CNBD1: variants seen among roughly 807,000 people sequenced by gnomAD.
CNBD1 encodes the protein cyclic nucleotide binding domain containing 1.
Under a neutral mutation model 54.4 loss-of-function variants are expected in CNBD1, and 71 were observed. The observed-to-expected ratio is 1.30, with a 90% CI of 1.08 to 1.59. CNBD1 has a LOEUF of 1.59. Among genes scored for constraint, CNBD1 ranks in the 40% most tolerant of loss-of-function variants. The pLI, the probability that CNBD1 is intolerant of heterozygous loss-of-function variation, is 0.00. For missense variants in CNBD1, 659 were observed against 518.0 expected (o/e 1.27, Z -2.64); for synonymous variants, 182 against 170.7 (o/e 1.07, Z -0.51).
chr8:87,195,518 A>G (rs939291102), intron 4 of CNBD1, among the ~76,000 whole-genome samples: 7 of 149,484 alleles, frequency 4.7e-5, no homozygotes, highest in Admixed American at 4.0e-4. Flanking sequence ...GTAAGTCACC[A>G]TGCCCAGCTG....
rs1812291091 is a variant in CNBD1, at chr8:87,137,907, G to A, written c.432-68086G>A. Among the ~76,000 whole-genome samples the A allele has an allele frequency of 1.3e-5, 2 of 152,136 alleles. 1 individual carries two copies. Among genetic ancestry groups the A allele is most frequent in the South Asian group, 4.1e-4 (2 of 4,836 alleles). On this transcript the variant is annotated intron_variant, in intron 4 of 10. Coordinates refer to ENST00000518476, the MANE Select transcript of CNBD1 (RefSeq NM_173538.3). Reference sequence around the variant, plus strand: ...GTAGTGGAATGAAGAACTTTTCAGAGTTTCTGCCATAATTATGGTTATGAT... The same window carrying A: ...GTAGTGGAATGAAGAACTTTTCAGAATTTCTGCCATAATTATGGTTATGAT...
intron 3 of CNBD1, among the ~76,000 whole-genome samples, chr8:86,917,413 G>A (rs752752403): frequency 6.6e-6 from 1 of 152,188 alleles, no homozygotes; most frequent in African/African-American, 2.4e-5. Context: ...AACATGAAGA[G>A]AGAATAGTAC....
chr8:87,316,463 C>T (rs564310595), intron 8 of CNBD1, among the ~76,000 whole-genome samples: 12 of 151,862 alleles, frequency 7.9e-5, no homozygotes, highest in Non-Finnish European at 1.2e-4. Context: ...GTAGGTGTGT[C>T]AATTGATGCA....
At chr8:87,231,600 C>T (rs1586349863) in intron 5 of CNBD1, among the ~76,000 whole-genome samples, 1 of 151,914 alleles carries the variant, frequency 6.6e-6, no homozygotes, top group Non-Finnish European at 1.5e-5. Flanking sequence ...CAAAGAAAGT[C>T]AAACAATATT....
intron 4 of CNBD1, among the ~76,000 whole-genome samples, chr8:87,186,730 C>T (rs1408996818): frequency 6.6e-6 from 1 of 151,288 alleles, no homozygotes; most frequent in African/African-American, 2.4e-5. Flanking sequence ...AATAAAAATT[C>T]CCATTTTAAA....
At chr8:87,315,263 C>G (rs553587911) in intron 8 of CNBD1, among the ~76,000 whole-genome samples, 1 of 152,046 alleles carries the variant, frequency 6.6e-6, no homozygotes, top group African/African-American at 2.4e-5. Context: ...AAGCTCTATA[C>G]AAGCTGTGAT....
At chr8:87,118,086 C>T (rs1281736856) in intron 4 of CNBD1, among the ~76,000 whole-genome samples, 6 of 151,816 alleles carry the variant, frequency 4.0e-5, no homozygotes, top group Non-Finnish European at 7.4e-5. Context: ...GAGGCCGAGG[C>T]GGGCGGATCA....
chr8:86,908,804 G>GACGGAGT (rs1554629470), intron 3 of CNBD1, among the ~76,000 whole-genome samples: 1 of 137,252 alleles, frequency 7.3e-6, no homozygotes, highest in Non-Finnish European at 1.6e-5. Flanking sequence ...TTTTTTTTGT[G>GACGGAGT]CTGAGGGCAG....
chr8:87,135,996 G>T (rs7014405), intron 4 of CNBD1, among the ~76,000 whole-genome samples: 24,260 of 151,940 alleles, frequency 0.16, 2,146 homozygotes, highest in Non-Finnish European at 0.2. Context: ...GTGGTTAGTT[G>T]TTCAAAAACC....
At chr8:87,122,108 G>A (rs996237088) in intron 4 of CNBD1, among the ~76,000 whole-genome samples, 8 of 151,576 alleles carry the variant, frequency 5.3e-5, no homozygotes, top group Non-Finnish European at 1.2e-4. Context: ...GGGTCATATG[G>A]TAGTTCTATT....
intron 4 of CNBD1, among the ~76,000 whole-genome samples, chr8:87,050,965 TTGTTCAGCCAA>T (rs1357938661): frequency 1.3e-5 from 2 of 152,146 alleles, no homozygotes; most frequent in Non-Finnish European, 2.9e-5. Flanking sequence ...GGTATAGCGA[TTGTTCAGCCAA>T]TCTTTCCCTG....
chr8:87,269,398 A>G (rs1051173798), intron 6 of CNBD1, among the ~76,000 whole-genome samples: 1 of 152,122 alleles, frequency 6.6e-6, no homozygotes, highest in Non-Finnish European at 1.5e-5. Context: ...TTGTTTGGCA[A>G]TTCAAGCTAT....
intron 4 of CNBD1, among the ~76,000 whole-genome samples, chr8:86,994,610 G>A (rs1270639748): frequency 2.0e-5 from 3 of 152,202 alleles, no homozygotes; most frequent in African/African-American, 7.2e-5. Flanking sequence ...CACAGCAAGA[G>A]TGGGTTCTTT....
intron 3 of CNBD1, among the ~76,000 whole-genome samples, chr8:86,916,389 C>T (rs1218120170): frequency 6.6e-6 from 1 of 152,178 alleles, no homozygotes; most frequent in Non-Finnish European, 1.5e-5. Context: ...CATTCCTTCT[C>T]CCCTGGTTCT....
At chr8:87,082,344 A>C (rs1811013279) in intron 4 of CNBD1, among the ~76,000 whole-genome samples, 1 of 152,102 alleles carries the variant, frequency 6.6e-6, no homozygotes, top group East Asian at 1.9e-4. Flanking sequence ...CCCTTTGCTG[A>C]CTATTTTTTT....
intron 8 of CNBD1, among the ~76,000 whole-genome samples, chr8:87,288,362 C>A (rs1297688258): frequency 6.6e-6 from 1 of 152,084 alleles, no homozygotes. Context: ...TTGATCCTTG[C>A]CTCTCTTCCA....
chr8:87,274,629 T>C (rs1227786474), intron 6 of CNBD1, among the ~76,000 whole-genome samples: 1 of 136,462 alleles, frequency 7.3e-6, no homozygotes, highest in East Asian at 2.0e-4. Flanking sequence ...TGTTTTTTTC[T>C]TGTAAATTTG....
At chr8:87,212,625 A>C (rs1465105081) in intron 5 of CNBD1, among the ~76,000 whole-genome samples, 1 of 152,190 alleles carries the variant, frequency 6.6e-6, no homozygotes, top group Non-Finnish European at 1.5e-5. Flanking sequence ...CTTTTCAACA[A>C]ATTATGCTTG....
At chr8:87,212,149 AG>A (rs1814112423) in intron 5 of CNBD1, among the ~76,000 whole-genome samples, 1 of 152,200 alleles carries the variant, frequency 6.6e-6, no homozygotes. Flanking sequence ...TAACCTGCTT[AG>A]GAATAAATTG....
Sources: gnomAD v4.1 joint callset for allele counts (sites outside exome capture counted in the v4.1 genomes callset) on GRCh38, gnomAD v4.1.1 for gene constraint, MANE v1.5 for transcripts, NCBI Gene and HGNC (gene_info 2026-07-23, HGNC 2026-07-21) for gene names.